Variants in DCTN5 observed in about 807,000 individuals in gnomAD.
DCTN5 encodes dynactin subunit 5.
DCTN5 carries 14 observed loss-of-function variants against 23.5 expected under a neutral mutation model. The ratio of observed to expected loss-of-function variants is 0.60; its 90% CI spans 0.39 to 0.93. The LOEUF is 0.93. DCTN5 is among the 40% of genes least tolerant of loss of function. The pLI, the probability that DCTN5 is intolerant of heterozygous loss-of-function variation, is 0.00. For missense variants in DCTN5, 156 were observed against 225.9 expected, an observed-to-expected ratio of 0.69 and a Z score of 1.98; for synonymous variants, 67 against 79.6, an observed-to-expected ratio of 0.84 and a Z score of 0.84.
In DCTN5 at chr16:23,671,517, TGA is replaced by T. The variant is rs779552204; in HGVS notation, c.*4377_*4378del. On this transcript the variant is annotated 3_prime_UTR_variant, in exon 6 of 6. Transcript: ENST00000300087. Reference sequence around the variant, plus strand: ...TTAATCCTCCCAACTGTCAAAAAAGTGAGAGTTTCACAGCCTGTTTTACAGCA... The same window carrying T: ...TTAATCCTCCCAACTGTCAAAAAAGTGAGTTTCACAGCCTGTTTTACAGCA... 4 of 152,284 alleles carry T rather than the reference TGA, an allele frequency of 2.6e-5. No homozygotes were observed. The highest frequency in any genetic ancestry group is 5.9e-5 in the Non-Finnish European group (4 of 68,008). 9.4% of individuals were successfully genotyped at this position (152,284 alleles called of 1,614,324 possible). A position where few individuals can be genotyped will look rare whatever the true frequency, so the allele number is the denominator to read the frequency against.
Position 23,669,289 on chromosome 16 carries a change from G to A in DCTN5, c.*2145G>A, listed in dbSNP as rs2140990595. 1 of 152,402 alleles carries A rather than the reference G, an allele frequency of 6.6e-6. No homozygotes were observed. The highest frequency in any genetic ancestry group is 1.9e-4 in the East Asian group (1 of 5,182). The allele number at this position is 152,402 out of a possible 1,614,324, so 9.4% of individuals were successfully genotyped here. A position where few individuals can be genotyped will look rare whatever the true frequency, so the allele number is the denominator to read the frequency against. On this transcript the variant is annotated 3_prime_UTR_variant, in exon 6 of 6. Coordinates refer to ENST00000300087, the MANE Select transcript of DCTN5 (RefSeq NM_032486.4). ...TCACGTAGCTGAAAAGGATGGGCTA[G>A]ATTGGGCTTCAGGCTGCATCCCAGG...
In DCTN5 at chr16:23,667,068, C is replaced by A; in HGVS notation, c.473C>A (p.Pro158Gln). The change falls in exon 6 of 6, where the codon CCG becomes CAG. Residue 158 changes from proline to glutamine, a missense_variant. Coordinates refer to ENST00000300087, the MANE Select transcript of DCTN5 (RefSeq NM_032486.4). ...GCPGLFSGEL[P>Q]ECTQELMIDV... ...CCAGGACTCTTCTCAGGGGAGCTCC[C>A]GGAGTGCACTCAGGAGCTGATGATT... is the stretch of plus-strand genomic sequence containing the variant. 1 of 1,613,748 alleles carries A rather than the reference C, an allele frequency of 6.2e-7. No homozygotes were observed. Among genetic ancestry groups the A allele is most frequent in the Non-Finnish European group, 8.5e-7 (1 of 1,179,996 alleles).
intron 1 of DCTN5, among the ~76,000 whole-genome samples, chr16:23,642,006 A>G (rs1360741946): frequency 6.6e-6 from 1 of 152,154 alleles, no homozygotes; most frequent in African/African-American, 2.4e-5. Flanking sequence ...ATCTCTGCTC[A>G]CTGCAACCTC....
chr16:23,649,358 A>C (rs1967547917), intron 2 of DCTN5, among the ~76,000 whole-genome samples: 1 of 152,154 alleles, frequency 6.6e-6, no homozygotes, highest in South Asian at 2.1e-4. Flanking sequence ...CCATATTTTC[A>C]TTCTGTTGAT....
chr16:23,646,765 A>G (rs910978449), intron 2 of DCTN5, among the ~76,000 whole-genome samples: 5 of 152,050 alleles, frequency 3.3e-5, no homozygotes, highest in African/African-American at 1.2e-4. Context: ...TAGTAGAGAC[A>G]GGGTTTCTCC....
intron 2 of DCTN5, among the ~76,000 whole-genome samples, chr16:23,655,612 C>T (rs573288614): frequency 1.2e-4 from 18 of 151,452 alleles, no homozygotes; most frequent in Admixed American, 1.1e-3. Flanking sequence ...GGTGTGATCT[C>T]AGCTTACCGC....
At chr16:23,642,668 G>T (rs1967318802) in intron 1 of DCTN5, 2 of 270,020 alleles carry the variant, frequency 7.4e-6, no homozygotes, top group South Asian at 6.4e-5. Flanking sequence ...TTTTTTTTTT[G>T]TTGAGAAGGG....
chr16:23,674,269 T>C lies in DCTN5; in HGVS notation c.*7125T>C, dbSNP rs992857628. 1 of 152,180 alleles carries C rather than the reference T, an allele frequency of 6.6e-6. No individual in the cohort carries two copies. The highest frequency in any genetic ancestry group is 6.5e-5 in the Admixed American group (1 of 15,282). The allele number at this position is 152,180 out of a possible 1,614,324, so 9.4% of individuals were successfully genotyped here. A position where few individuals can be genotyped will look rare whatever the true frequency, so the allele number is the denominator to read the frequency against. On this transcript the variant is annotated 3_prime_UTR_variant, in exon 6 of 6. Transcript: ENST00000300087. ...CGTGGAGCGCTAAACTATGAAAACG[T>C]CCTGGAACCTGGCTGAAAAGGGCTT...
chr16:23,674,046 G>A lies in DCTN5; in HGVS notation c.*6902G>A, dbSNP rs769136786. Reference sequence around the variant, plus strand: ...GGCCATGCAGCATGCCTTCACTGCTGCTGAAGAAAAGCAGCTGCTTGTTGA... The same window carrying A: ...GGCCATGCAGCATGCCTTCACTGCTACTGAAGAAAAGCAGCTGCTTGTTGA... On this transcript the variant is annotated 3_prime_UTR_variant, in exon 6 of 6. Transcript: ENST00000300087. 6.6e-5 allele frequency: 10 copies of A among 152,286 alleles called. No individual in the cohort carries two copies. The highest frequency in any genetic ancestry group is 1.0e-4 in the Non-Finnish European group (7 of 68,028). 9.4% of individuals were successfully genotyped at this position (152,286 alleles called of 1,614,324 possible). A position where few individuals can be genotyped will look rare whatever the true frequency, so the allele number is the denominator to read the frequency against.
Position 23,667,060 on chromosome 16 carries a change from G to A in DCTN5, c.465G>A (p.Gly155=), listed in dbSNP as rs1167177406. The A allele has an allele frequency of 1.2e-5, 20 of 1,613,712 alleles. No homozygotes were observed. The highest frequency in any genetic ancestry group is 1.4e-5 in the Non-Finnish European group (17 of 1,180,000). The change falls in exon 6 of 6, where the codon GGG becomes GGA. Residue 155 remains glycine (G), a synonymous_variant. Coordinates refer to ENST00000300087, the MANE Select transcript of DCTN5 (RefSeq NM_032486.4). The stretch of plus-strand genomic sequence containing the variant: ...TTCTTTCCCCAGGACTCTTCTCAGG[G>A]GAGCTCCCGGAGTGCACTCAGGAGC... The part of the protein sequence containing the change: ...VFSGCPGLFS[G]ELPECTQELM...
At position 23,675,465 on chromosome 16, in the gene DCTN5, A is replaced by G. The variant is rs891232830; in HGVS notation, c.*8321A>G. On this transcript the variant is annotated 3_prime_UTR_variant, in exon 6 of 6. Coordinates refer to ENST00000300087, the MANE Select transcript of DCTN5 (RefSeq NM_032486.4). ...CAGTGAGCCAAAATCGTGCCACCGC[A>G]CTCTAGCCTGGGCAACAGAGCCAGA... The G allele has an allele frequency of 6.7e-5, 10 of 149,804 alleles. No individual in the cohort carries two copies. Among genetic ancestry groups the G allele is most frequent in the African/African-American group, 2.5e-4 (10 of 40,560 alleles). The allele number at this position is 149,804 out of a possible 1,614,324, so 9.3% of individuals were successfully genotyped here. A position where few individuals can be genotyped will look rare whatever the true frequency, so the allele number is the denominator to read the frequency against.
rs1337457167 is a variant in DCTN5, at chr16:23,667,247, A to C, written c.*103A>C. 12 of 1,429,372 alleles carry C rather than the reference A, an allele frequency of 8.4e-6. No individual in the cohort carries two copies. The highest frequency in any genetic ancestry group is 2.4e-5 in the South Asian group (2 of 82,134). 88.5% of individuals were successfully genotyped at this position (1,429,372 alleles called of 1,614,324 possible). On this transcript the variant is annotated 3_prime_UTR_variant, in exon 6 of 6. Coordinates refer to ENST00000300087, the MANE Select transcript of DCTN5 (RefSeq NM_032486.4). Reference sequence around the variant, plus strand: ...AAGAGCTTTTGTGTCTTTGACATCTACCACCCTCCTCCTTTTAAAAAATTT... The same window carrying C: ...AAGAGCTTTTGTGTCTTTGACATCTCCCACCCTCCTCCTTTTAAAAAATTT...
intron 2 of DCTN5, among the ~76,000 whole-genome samples, chr16:23,645,138 T>TATATATA (rs1250036929): frequency 5.7e-5 from 2 of 35,144 alleles, no homozygotes; most frequent in South Asian, 9.3e-4. Context: ...TATATATATA[T>TATATATA]TTTTTTTTTT....
intron 3 of DCTN5, among the ~76,000 whole-genome samples, chr16:23,660,138 CTG>C (rs1440737424): frequency 1.3e-5 from 2 of 152,150 alleles, no homozygotes; most frequent in Non-Finnish European, 2.9e-5. Context: ...CTGCTACAGA[CTG>C]TGATGAGATC....
intron 4 of DCTN5, among the ~76,000 whole-genome samples, chr16:23,664,419 A>G (rs1052349470): frequency 6.6e-6 from 1 of 152,208 alleles, no homozygotes; most frequent in Non-Finnish European, 1.5e-5. Context: ...AACACAAGCA[A>G]ATCAATCATG....
At position 23,658,659 on chromosome 16, in the gene DCTN5, G is replaced by T. The variant is rs1232066039; in HGVS notation, c.236+34G>T. On this transcript the variant is annotated intron_variant, in intron 3 of 5. Coordinates refer to ENST00000300087, the MANE Select transcript of DCTN5 (RefSeq NM_032486.4). Reference sequence around the variant, plus strand: ...TTTAATTACTTTGTTCAAGTCTTGGGCAAGAAGCTGCCACTGGTGGTGTGG... The same window carrying T: ...TTTAATTACTTTGTTCAAGTCTTGGTCAAGAAGCTGCCACTGGTGGTGTGG... 7.2e-6 allele frequency: 11 copies of T among 1,528,244 alleles called. No individual in the cohort carries two copies. The Admixed American group carries it at 1.8e-4, about 26-fold the overall frequency. 94.7% of individuals were successfully genotyped at this position (1,528,244 alleles called of 1,614,324 possible). A position where few individuals can be genotyped will look rare whatever the true frequency, so the allele number is the denominator to read the frequency against.
chr16:23,646,066 A>C (rs375066419), intron 2 of DCTN5, among the ~76,000 whole-genome samples: 1 of 152,164 alleles, frequency 6.6e-6, no homozygotes, highest in South Asian at 2.1e-4. Flanking sequence ...GCAGGGTTCC[A>C]ATTTCTCCAC....
rs550113775 is a variant in DCTN5, at chr16:23,673,598, T to C, written c.*6454T>C. On this transcript the variant is annotated 3_prime_UTR_variant, in exon 6 of 6. Transcript: ENST00000300087. Reference sequence around the variant, plus strand: ...GCTACTCATCTCTTAAAAAAAAAGTTTTATGCTTGTTAATTTCATAAATGC... The same window carrying C: ...GCTACTCATCTCTTAAAAAAAAAGTCTTATGCTTGTTAATTTCATAAATGC... 1.3e-5 allele frequency: 2 copies of C among 152,344 alleles called. No individual in the cohort carries two copies. Among genetic ancestry groups the C allele is most frequent in the African/African-American group, 4.8e-5 (2 of 41,586 alleles). The allele number at this position is 152,344 out of a possible 1,614,324, so 9.4% of individuals were successfully genotyped here. A position where few individuals can be genotyped will look rare whatever the true frequency, so the allele number is the denominator to read the frequency against.
chr16:23,661,681 G>A (rs1967814402), intron 4 of DCTN5, among the ~76,000 whole-genome samples: 1 of 151,890 alleles, frequency 6.6e-6, no homozygotes. Context: ...TTGCACCACT[G>A]CTTTCCAGTC....
Sources: allele counts gnomAD v4.1 joint callset (sites outside exome capture counted in the v4.1 genomes callset), GRCh38; gene constraint gnomAD v4.1.1; transcripts MANE v1.5; gene names NCBI Gene and HGNC (gene_info 2026-07-23, HGNC 2026-07-21).